PSG8: variants seen among roughly 807,000 people sequenced by gnomAD.
PSG8 encodes the protein pregnancy-specific beta-1-glycoprotein 8.
In PSG8, 57 loss-of-function variants were observed where a neutral mutation model predicts 42.5. That is an observed-to-expected ratio of 1.34 (90% CI 1.08 to 1.67). The LOEUF (loss-of-function observed/expected upper bound fraction) is 1.67. Among genes scored for constraint, PSG8 ranks in the 40% most tolerant of loss-of-function variants. PSG8 has a pLI of 0.00. For synonymous variants in PSG8, 280 were observed against 196.8 expected, an observed-to-expected ratio of 1.42 and a Z score of -3.54; for missense variants, 783 against 518.6, an observed-to-expected ratio of 1.51 and a Z score of -4.95.
In PSG8 at chr19:42,754,509, G is replaced by T; in HGVS notation, c.1067C>A (p.Ala356Glu). The stretch of plus-strand genomic sequence containing the variant: ...ATACTGTGCCGGTGGGTTAGAGTCC[G>T]CAGAACAGGACAAGTAGAGGACTTC... ...SGEVLYLSCS[A>E]DSNPPAQYSW... Residue 356 changes from alanine to glutamate, a missense_variant, in exon 5 of 5, where the codon GCG (alanine) becomes GAG (glutamate). Transcript: ENST00000306511. 6.2e-7 allele frequency: 1 copy of T among 1,613,812 alleles called. No homozygotes were observed. The highest frequency in any genetic ancestry group is 8.5e-7 in the Non-Finnish European group (1 of 1,179,854).
chr19:42,754,877 C>T (rs1440308362), intron 4 of PSG8, 111 bp downstream of exon 4: 3 of 1,555,718 alleles, frequency 1.9e-6, no homozygotes, highest in Admixed American at 1.9e-5. Flanking sequence ...GCTCGGATGT[C>T]CAGAAGTGAA....
chr19:42,763,054 C>T (rs1422855598), intron 2 of PSG8, among the ~76,000 whole-genome samples: 1 of 152,296 alleles, frequency 6.6e-6, no homozygotes, highest in East Asian at 1.9e-4. Context: ...GCTTTTCATG[C>T]TATCTGTGAA....
In PSG8 at chr19:42,755,168, T is replaced by C. The variant is rs761048202; in HGVS notation, c.808A>G (p.Thr270Ala). Residue 270 changes from threonine (T) to alanine (A), a missense_variant, in exon 4 of 5, where the codon ACC becomes GCC. By Grantham distance (58) the Thr-to-Ala change is moderately conservative. Transcript: ENST00000306511. Reference protein sequence around the residue: ...FTCEPKSENYTYIWWLNGQSL... With the variant: ...FTCEPKSENYAYIWWLNGQSL... ...TGACCATTTAGCCACCAAATGTAGG[T>C]GTAGTTCTCACTCTTAGGTTCACAG... 20 of 1,611,840 alleles carry C rather than the reference T, an allele frequency of 1.2e-5. No individual in the cohort carries two copies. The African/African-American group carries it at 2.3e-4, about 18-fold the overall frequency.
Position 42,754,442 on chromosome 19 carries a change from C to T in PSG8, c.1134G>A (p.Lys378=), listed in dbSNP as rs775456119. The T allele has an allele frequency of 9.9e-6, 16 of 1,613,776 alleles. No individual in the cohort carries two copies. The highest frequency in any genetic ancestry group is 1.4e-5 in the Non-Finnish European group (16 of 1,179,852). The part of the protein sequence containing the change: ...INGKFQLSGQ[K]LFIPQITTKH... ...TTGTAGTAATTTGGGGGATAAAGAG[C>T]TTTTGTCCTGATAGCTGAAACTTCC... Residue 378 remains lysine (K), a synonymous_variant, in exon 5 of 5, where the codon AAG becomes AAA. Transcript: ENST00000306511.
intron 3 of PSG8, among the ~76,000 whole-genome samples, chr19:42,756,556 G>C (rs569224957): frequency 7.8e-4 from 119 of 152,162 alleles, no homozygotes; most frequent in African/African-American, 2.5e-3. Context: ...GCTCCAGTGA[G>C]CATTTCTTTT....
intron 2 of PSG8, among the ~76,000 whole-genome samples, chr19:42,761,379 G>A (rs1970068981): frequency 6.6e-6 from 1 of 152,196 alleles, no homozygotes; most frequent in Non-Finnish European, 1.5e-5. Flanking sequence ...CTGCTAAAAT[G>A]TTGGCACAGT....
At chr19:42,764,433 C>G in intron 1 of PSG8, 152 bp from the exon 2 acceptor site, 2 of 1,365,858 alleles carry the variant, frequency 1.5e-6, no homozygotes, top group South Asian at 2.9e-5. Context: ...CACACAAAAG[C>G]GGCATGTGTG....
intron 2 of PSG8, among the ~76,000 whole-genome samples, chr19:42,762,244 G>T (rs1457761693): frequency 6.6e-6 from 1 of 151,876 alleles, no homozygotes; most frequent in East Asian, 1.9e-4. Flanking sequence ...GCAGAGAGAG[G>T]CAGAGACACC....
chr19:42,764,637 C>T (rs1882628766), intron 1 of PSG8, among the ~76,000 whole-genome samples: 1 of 152,124 alleles, frequency 6.6e-6, no homozygotes, highest in Admixed American at 6.5e-5. Context: ...TCTTTCCTGA[C>T]ACCTCCTTCA....
chr19:42,762,087 A>T (rs1269682373), intron 2 of PSG8, among the ~76,000 whole-genome samples: 1 of 151,568 alleles, frequency 6.6e-6, no homozygotes, highest in African/African-American at 2.4e-5. Flanking sequence ...GAGGTGGGCC[A>T]GGCCACAGTG....
At position 42,754,305 on chromosome 19, in the gene PSG8, A is replaced by G. The variant is rs779296108; in HGVS notation, c.1271T>C (p.Ile424Thr). 10 of 1,613,468 alleles carry G rather than the reference A, an allele frequency of 6.2e-6. No individual in the cohort carries two copies. The highest frequency in any genetic ancestry group is 1.1e-5 in the South Asian group (1 of 91,054). ...CCAGATAGACTCCACCTAAATCCCTATTGCCAAGGATACTGGGATCCGCTT... is the reference window on the plus strand; with the variant it reads ...CCAGATAGACTCCACCTAAATCCCTGTTGCCAAGGATACTGGGATCCGCTT... ...SGKRIPVSLAIGI is the reference protein window; with the variant it reads ...SGKRIPVSLATGI The change falls in exon 5 of 5, where the codon ATA (isoleucine) becomes ACA (threonine). Residue 424 changes from isoleucine to threonine, a missense_variant. By Grantham distance (89) the Ile-to-Thr change is moderately conservative. Coordinates refer to ENST00000306511, the MANE Select transcript of PSG8 (RefSeq NM_182707.3).
intron 2 of PSG8, among the ~76,000 whole-genome samples, chr19:42,760,840 G>C (rs751893458): frequency 1.3e-5 from 2 of 152,178 alleles, no homozygotes; most frequent in Admixed American, 1.3e-4. Flanking sequence ...GCCTCCGAAA[G>C]TGCTGGTATT....
Position 42,763,939 on chromosome 19 carries a change from C to A in PSG8, c.407G>T (p.Gly136Val), listed in dbSNP as rs753125487. The part of the protein sequence containing the change: ...MGGDENRGVT[G>V]HFTFTLYLET... ...ACGATATAAGGTGAAGGTGAAATGT[C>A]CAGTTACTCCTCTATTCTCATCACC... is the stretch of plus-strand genomic sequence containing the variant. Residue 136 changes from glycine (G) to valine (V), a missense_variant, in exon 2 of 5, where the codon GGA becomes GTA. By Grantham distance (109) the Gly-to-Val change is moderately radical (BLOSUM62 -3). Transcript: ENST00000306511. The A allele has an allele frequency of 6.2e-7, 1 of 1,613,690 alleles. No homozygotes were observed. Among genetic ancestry groups the A allele is most frequent in the Non-Finnish European group, 8.5e-7 (1 of 1,179,782 alleles).
intron 2 of PSG8, among the ~76,000 whole-genome samples, chr19:42,759,749 T>C (rs979749723): frequency 6.6e-6 from 1 of 152,170 alleles, no homozygotes; most frequent in African/African-American, 2.4e-5. Flanking sequence ...GAGGAAACAT[T>C]AAAATGTTTT....
intron 2 of PSG8, chr19:42,763,653 A>T: frequency 3.1e-6 from 2 of 645,166 alleles, no homozygotes; most frequent in Non-Finnish European, 5.1e-6. Flanking sequence ...TGCTTGTCTG[A>T]GACTGATCTC....
intron 3 of PSG8, 38 bp downstream of exon 3, chr19:42,757,964 A>G (rs1415359266): frequency 3.1e-6 from 5 of 1,613,872 alleles, no homozygotes; most frequent in Non-Finnish European, 4.2e-6. Flanking sequence ...TGTATTTGGG[A>G]TGGCAGCCTG....
intron 2 of PSG8, chr19:42,758,863 G>T (rs1344890437): frequency 6.3e-6 from 1 of 159,178 alleles, no homozygotes; most frequent in South Asian, 1.8e-4. Context: ...CCACAAGGTG[G>T]CGCAGTTTTC....
rs1435549632 is a variant in PSG8, at chr19:42,763,962, A to G, written c.384T>C (p.Gly128=). 5.0e-6 allele frequency: 8 copies of G among 1,612,520 alleles called. No individual in the cohort carries two copies. Among genetic ancestry groups the G allele is most frequent in the South Asian group, 4.4e-5 (4 of 91,008 alleles). ...GSYTLHIIMG[G]DENRGVTGHF... ...GTCCAGTTACTCCTCTATTCTCATC[A>G]CCTCCCATTATGATGTGTAAGGTGT... is the stretch of plus-strand genomic sequence containing the variant. Residue 128 remains glycine (G), a synonymous_variant, in exon 2 of 5, where the codon GGT becomes GGC. Transcript: ENST00000306511.
chr19:42,753,602 G>A (rs1268279122), downstream of PSG8, among the ~76,000 whole-genome samples: 1 of 152,134 alleles, frequency 6.6e-6, no homozygotes, highest in East Asian at 1.9e-4. Context: ...GACCGTGTAG[G>A]CTCTCTTTTA....
Sources: allele counts gnomAD v4.1 joint callset (sites outside exome capture counted in the v4.1 genomes callset), GRCh38; gene constraint gnomAD v4.1.1; transcripts MANE v1.5; gene names NCBI Gene and HGNC (gene_info 2026-07-23, HGNC 2026-07-21).